The following NKAIN2 variants were observed in gnomAD, a reference collection of about 807,000 sequenced individuals.
NKAIN2 encodes the protein sodium/potassium-transporting ATPase subunit beta-1-interacting protein 2.
NKAIN2 carries 14 observed loss-of-function variants against 32.6 expected under a neutral mutation model. That is an observed-to-expected ratio of 0.43 (90% CI 0.28 to 0.67). The LOEUF is 0.67. Among genes scored for constraint, NKAIN2 ranks in the 30% least tolerant of loss-of-function variants. The pLI is 0.17. For missense variants in NKAIN2, 198 were observed against 258.3 expected, an observed-to-expected ratio of 0.77 and a Z score of 1.60; for synonymous variants, 80 against 87.2, an observed-to-expected ratio of 0.92 and a Z score of 0.46.
intron 1 of NKAIN2, among the ~76,000 whole-genome samples, chr6:123,955,880 G>A (rs1777557517): frequency 6.6e-6 from 1 of 152,016 alleles, no homozygotes; most frequent in African/African-American, 2.4e-5. Flanking sequence ...CTCCTGCCTT[G>A]GCCTCCCAAA....
chr6:124,260,990 T>C (rs1206422387), intron 1 of NKAIN2, among the ~76,000 whole-genome samples: 1 of 152,218 alleles, frequency 6.6e-6, no homozygotes, highest in East Asian at 1.9e-4. Context: ...TGAGAAATAC[T>C]GTGATGAACT....
At chr6:124,153,342 A>T (rs1306523954) in intron 1 of NKAIN2, among the ~76,000 whole-genome samples, 1 of 151,868 alleles carries the variant, frequency 6.6e-6, no homozygotes, top group Middle Eastern at 3.2e-3. Context: ...GAGTTTCTAC[A>T]TCAATTTTAG....
chr6:124,135,515 T>TA (rs56183476), intron 1 of NKAIN2, among the ~76,000 whole-genome samples: 41 of 100,290 alleles, frequency 4.1e-4, no homozygotes, highest in Admixed American at 1.3e-3. Flanking sequence ...GCAACGATAG[T>TA]AAAAAAAAAA....
At chr6:124,385,972 A>C (rs1772881696) in intron 3 of NKAIN2, among the ~76,000 whole-genome samples, 1 of 152,186 alleles carries the variant, frequency 6.6e-6, no homozygotes, top group South Asian at 2.1e-4. Context: ...CAATGATATC[A>C]GCCATTTAGC....
intron 3 of NKAIN2, among the ~76,000 whole-genome samples, chr6:124,423,987 T>C (rs1774868367): frequency 6.6e-6 from 1 of 152,166 alleles, no homozygotes. Flanking sequence ...GTAAACACTT[T>C]TAATTTAACT....
chr6:124,090,864 G>A (rs1418390405), intron 1 of NKAIN2, among the ~76,000 whole-genome samples: 1 of 151,978 alleles, frequency 6.6e-6, no homozygotes, highest in Non-Finnish European at 1.5e-5. Flanking sequence ...ATCCCATGGA[G>A]TTATTTGAAG....
At chr6:124,684,587 AAAAACCCATT>A (rs1441285459) in intron 4 of NKAIN2, among the ~76,000 whole-genome samples, 4 of 152,310 alleles carry the variant, frequency 2.6e-5, no homozygotes, top group African/African-American at 9.6e-5. Flanking sequence ...TAAAACATAT[AAAAACCCATT>A]AAAATCTGAC....
chr6:124,332,360 A>G (rs1313570246), intron 2 of NKAIN2, among the ~76,000 whole-genome samples: 2 of 152,062 alleles, frequency 1.3e-5, no homozygotes, highest in Admixed American at 6.5e-5. Context: ...GCCTTCTTTC[A>G]TCTTTTGGAA....
chr6:124,100,006 C>T (rs1784807699), intron 1 of NKAIN2, among the ~76,000 whole-genome samples: 1 of 152,176 alleles, frequency 6.6e-6, no homozygotes, highest in Non-Finnish European at 1.5e-5. Context: ...ACAAAGACAT[C>T]TTCATTTTTA....
chr6:124,268,928 T>C (rs867169650), intron 1 of NKAIN2, among the ~76,000 whole-genome samples: 1 of 152,126 alleles, frequency 6.6e-6, no homozygotes, highest in South Asian at 2.1e-4. Context: ...ATTTCCTAAG[T>C]TATACTGTTG....
intron 3 of NKAIN2, among the ~76,000 whole-genome samples, chr6:124,532,800 C>T (rs1216627229): frequency 2.0e-5 from 3 of 152,312 alleles, no homozygotes; most frequent in Non-Finnish European, 4.4e-5. Context: ...ATGGTTCCAA[C>T]GTCCTCTTTG....
At chr6:124,177,320 T>C (rs1352696775) in intron 1 of NKAIN2, among the ~76,000 whole-genome samples, 1 of 152,204 alleles carries the variant, frequency 6.6e-6, no homozygotes, top group African/African-American at 2.4e-5. Context: ...AAACAGATAC[T>C]TGAGTATGAC....
rs563854216 is a variant in NKAIN2, at chr6:124,297,990, G to A, written c.192+14848G>A. ...ACATCAGTTATCAGTTGTGAGTATG[G>A]AATGAAAGGTTAATATAAAATATTG... On this transcript the variant is annotated intron_variant, in intron 2 of 6. Coordinates refer to ENST00000368417, the MANE Select transcript of NKAIN2 (RefSeq NM_001040214.3). Among the ~76,000 whole-genome samples, 51 of 152,168 alleles carry A rather than the reference G, an allele frequency of 3.4e-4. 1 individual carries two copies. The highest frequency in any genetic ancestry group is 7.4e-5 in the Non-Finnish European group (5 of 68,008).
At chr6:124,778,324 T>C (rs1325962583) in intron 4 of NKAIN2, among the ~76,000 whole-genome samples, 1 of 151,790 alleles carries the variant, frequency 6.6e-6, no homozygotes, top group Non-Finnish European at 1.5e-5. Context: ...ATGGTTCTTA[T>C]AGCACTTGAT....
intron 4 of NKAIN2, among the ~76,000 whole-genome samples, chr6:124,700,859 T>G (rs997149722): frequency 1.4e-5 from 2 of 144,124 alleles, no homozygotes; most frequent in Non-Finnish European, 3.0e-5. Context: ...ATATAGAAAT[T>G]GTCTCTTTCC....
chr6:124,224,837 A>G (rs942185579), intron 1 of NKAIN2, among the ~76,000 whole-genome samples: 2 of 152,104 alleles, frequency 1.3e-5, no homozygotes, highest in Non-Finnish European at 2.9e-5. Context: ...TCAACAATTC[A>G]TTTTTAGTGC....
intron 1 of NKAIN2, among the ~76,000 whole-genome samples, chr6:123,823,735 A>G (rs1774021415): frequency 6.6e-6 from 1 of 152,086 alleles, no homozygotes; most frequent in African/African-American, 2.4e-5. Context: ...GTAGTTGGAG[A>G]AGGATCAGGT....
chr6:124,600,893 A>AATTGAT (rs1338803949), intron 3 of NKAIN2, among the ~76,000 whole-genome samples: 1 of 152,042 alleles, frequency 6.6e-6, no homozygotes, highest in Non-Finnish European at 1.5e-5. Flanking sequence ...TTTAAAAAAG[A>AATTGAT]ATTGATCAAG....
intron 3 of NKAIN2, among the ~76,000 whole-genome samples, chr6:124,539,973 G>C (rs535545016): frequency 6.6e-6 from 1 of 152,132 alleles, no homozygotes; most frequent in Non-Finnish European, 1.5e-5. Flanking sequence ...TGCCCACCTC[G>C]GCCTCCCAAA....
Sources: allele counts gnomAD v4.1 joint callset (sites outside exome capture counted in the v4.1 genomes callset), GRCh38; gene constraint gnomAD v4.1.1; transcripts MANE v1.5; gene names NCBI Gene and HGNC (gene_info 2026-07-23, HGNC 2026-07-21).